Variants in ANGPTL5 observed in about 807,000 individuals in gnomAD.
ANGPTL5 encodes the protein angiopoietin-related protein 5.
A neutral mutation model predicts 39.4 loss-of-function variants in ANGPTL5; 34 were observed. That is an observed-to-expected ratio of 0.86 (90% CI 0.66 to 1.15). The LOEUF (loss-of-function observed/expected upper bound fraction) is 1.15. Among genes scored for constraint, ANGPTL5 ranks in the 50% most tolerant of loss-of-function variants. The probability of loss-of-function intolerance (pLI) is 0.00; values close to 1 mark genes in which losing one functional copy is unlikely to be tolerated. For missense variants in ANGPTL5, 467 were observed against 457.5 expected, an observed-to-expected ratio of 1.02 and a Z score of -0.19; for synonymous variants, 146 against 152.1, an observed-to-expected ratio of 0.96 and a Z score of 0.29.
chr11:101,909,148 C>T (rs1940050136), intron 1 of ANGPTL5, among the ~76,000 whole-genome samples: 1 of 152,186 alleles, frequency 6.6e-6, no homozygotes, highest in South Asian at 2.1e-4. Context: ...AAGAGGCACT[C>T]AAATATTTTC....
intron 7 of ANGPTL5, among the ~76,000 whole-genome samples, chr11:101,896,192 T>G (rs1939790262): frequency 6.6e-6 from 1 of 150,930 alleles, no homozygotes; most frequent in African/African-American, 2.4e-5. Context: ...ATTTATTTAT[T>G]TATTTATTTA....
At chr11:101,915,168 G>A (rs1591263126) in intron 1 of ANGPTL5, 1 of 1,479,872 alleles carries the variant, frequency 6.8e-7, no homozygotes, top group Non-Finnish European at 9.1e-7. Context: ...TTCCGCGCCC[G>A]TGACGCGGGG....
At chr11:101,907,737 T>C in intron 2 of ANGPTL5, 77 bp downstream of exon 2, 1 of 943,722 alleles carries the variant, frequency 1.1e-6, no homozygotes. Context: ...TTATGATTAA[T>C]CTTTTCAAAA....
At chr11:101,908,530 A>T (rs1451444586) in intron 1 of ANGPTL5, among the ~76,000 whole-genome samples, 2 of 152,084 alleles carry the variant, frequency 1.3e-5, no homozygotes, top group Non-Finnish European at 2.9e-5. Context: ...TGTAATCCCA[A>T]CACTTTGGGA....
At chr11:101,915,710 T>A (rs947859877) in intron 1 of ANGPTL5, among the ~76,000 whole-genome samples, 2 of 152,246 alleles carry the variant, frequency 1.3e-5, no homozygotes, top group Non-Finnish European at 2.9e-5. Context: ...GATATTTTTA[T>A]GCCATTATGT....
At chr11:101,910,742 T>C (rs1381800502) in intron 1 of ANGPTL5, among the ~76,000 whole-genome samples, 4 of 152,150 alleles carry the variant, frequency 2.6e-5, no homozygotes, top group African/African-American at 7.2e-5. Context: ...ACACATCTTA[T>C]TGGCTCAAGG....
At chr11:101,898,785 C>T (rs1939842977) in intron 7 of ANGPTL5, among the ~76,000 whole-genome samples, 2 of 152,128 alleles carry the variant, frequency 1.3e-5, no homozygotes, top group Admixed American at 1.3e-4. Context: ...GTGGGTTTGT[C>T]ATAAATAGCT....
intron 1 of ANGPTL5, among the ~76,000 whole-genome samples, chr11:101,909,823 T>C (rs938910888): frequency 3.9e-5 from 6 of 152,266 alleles, no homozygotes; most frequent in African/African-American, 7.2e-5. Flanking sequence ...GTCTCTGTAC[T>C]TTGAGTTCCT....
At chr11:101,900,833 T>C (rs903265540) in intron 6 of ANGPTL5, among the ~76,000 whole-genome samples, 7 of 151,994 alleles carry the variant, frequency 4.6e-5, no homozygotes, top group African/African-American at 1.4e-4. Context: ...TTTTTAAAAA[T>C]ATGTATTTGC....
chr11:101,892,194 G>A (rs775567166), intron 8 of ANGPTL5, among the ~76,000 whole-genome samples: 1 of 151,984 alleles, frequency 6.6e-6, no homozygotes. Flanking sequence ...AGACAATACC[G>A]TTTTTAAAGG....
rs1425496818 is a variant in ANGPTL5 at position 101,915,227 on chromosome 11, C to G, written c.-93+792G>C. The G allele has an allele frequency of 3.1e-6, 5 of 1,603,050 alleles. No individual in the cohort carries two copies. The South Asian group carries it at 5.6e-5, about 18-fold the overall frequency. On this transcript the variant is annotated intron_variant, in intron 1 of 8. Transcript: ENST00000334289. ...GGGCCGAGCAGGAGGAGGAGGAAGC[C>G]GGAGCTGCCATGAGGGAGGTTCTGG...
rs142977782 is a variant in ANGPTL5 at position 101,891,387 on chromosome 11, C to T, written c.1059G>A (p.Leu353=). ...LNGIHHFSGK[L]LATGIQWGTW... ...TGCCCCATTGAATTCCAGTTGCAAG[C>T]AATTTTCCAGAGAAGTGATGAATGC... The change falls in exon 9 of 9, where the codon TTG becomes TTA. Residue 353 remains leucine, a synonymous_variant. Coordinates refer to ENST00000334289, the MANE Select transcript of ANGPTL5 (RefSeq NM_178127.5). 563 of 1,613,880 alleles carry T rather than the reference C, an allele frequency of 3.5e-4. No homozygotes were observed. Among genetic ancestry groups the T allele is most frequent in the Non-Finnish European group, 4.6e-4 (543 of 1,179,978 alleles).
rs770600096 is a variant in ANGPTL5, at chr11:101,907,937, C to G, written c.-28G>C. ...TTTTCTTGGATAGATGAAAACACTT[C>G]TTCAAATATCAGTCAGCTCTTTGTG... On this transcript the variant is annotated 5_prime_UTR_variant, in exon 2 of 9. Coordinates refer to ENST00000334289, the MANE Select transcript of ANGPTL5 (RefSeq NM_178127.5). 3 of 1,438,206 alleles carry G rather than the reference C, an allele frequency of 2.1e-6. No homozygotes were observed. Among genetic ancestry groups the G allele is most frequent in the Non-Finnish European group, 2.9e-6 (3 of 1,022,032 alleles). The allele number at this position is 1,438,206 out of a possible 1,614,324, so 89.1% of individuals were successfully genotyped here. A position where few individuals can be genotyped will look rare whatever the true frequency, so the allele number is the denominator to read the frequency against.
chr11:101,893,045 T>A (rs1939729305), intron 8 of ANGPTL5, among the ~76,000 whole-genome samples: 1 of 152,184 alleles, frequency 6.6e-6, no homozygotes, highest in Admixed American at 6.5e-5. Context: ...GCCTAAACAA[T>A]GTGATCACTC....
rs748554518 is a variant in ANGPTL5, at chr11:101,891,369, T to C, written c.1077A>G (p.Gln359=). 2.5e-5 allele frequency: 41 copies of C among 1,613,956 alleles called. No homozygotes were observed. The highest frequency in any genetic ancestry group is 3.0e-5 in the Non-Finnish European group (35 of 1,179,978). The change falls in exon 9 of 9, where the codon CAA becomes CAG. Residue 359 remains glutamine (Q), a synonymous_variant. Transcript: ENST00000334289. ...AGTTGTTTTTGGTCCACGTGCCCCA[T>C]TGAATTCCAGTTGCAAGCAATTTTC... is the stretch of plus-strand genomic sequence containing the variant. ...FSGKLLATGI[Q]WGTWTKNNSP...
At chr11:101,915,054 G>A (rs1395261122) in intron 1 of ANGPTL5, 1 of 504,584 alleles carries the variant, frequency 2.0e-6, no homozygotes, top group Non-Finnish European at 3.4e-6. Context: ...GGTTGCTGCC[G>A]CCCCATCTGC....
At chr11:101,910,831 T>A (rs568216667) in intron 1 of ANGPTL5, among the ~76,000 whole-genome samples, 2 of 152,134 alleles carry the variant, frequency 1.3e-5, no homozygotes, top group Non-Finnish European at 2.9e-5. Flanking sequence ...ACCTTAAAAC[T>A]GTCCTTATTG....
At chr11:101,893,598 CT>C (rs1939742612) in intron 8 of ANGPTL5, among the ~76,000 whole-genome samples, 1 of 152,166 alleles carries the variant, frequency 6.6e-6, no homozygotes, top group African/African-American at 2.4e-5. Context: ...CAATATTATC[CT>C]TTAATTAGAT....
chr11:101,891,087 A>T lies in ANGPTL5; in HGVS notation c.*192T>A. On this transcript the variant is annotated 3_prime_UTR_variant, in exon 9 of 9. Coordinates refer to ENST00000334289, the MANE Select transcript of ANGPTL5 (RefSeq NM_178127.5). Reference sequence around the variant, plus strand: ...ATTGTTAATATAGTCAGAAGTAAAAACATACAATAAGCCATGTTTTCTTTT... The same window carrying T: ...ATTGTTAATATAGTCAGAAGTAAAATCATACAATAAGCCATGTTTTCTTTT... The T allele has an allele frequency of 4.0e-6, 2 of 502,596 alleles. No individual in the cohort carries two copies. The highest frequency in any genetic ancestry group is 6.9e-6 in the Non-Finnish European group (2 of 289,118). 31.1% of individuals were successfully genotyped at this position (502,596 alleles called of 1,614,324 possible).
Sources: allele counts gnomAD v4.1 joint callset (sites outside exome capture counted in the v4.1 genomes callset), GRCh38; gene constraint gnomAD v4.1.1; transcripts MANE v1.5; gene names NCBI Gene and HGNC (gene_info 2026-07-23, HGNC 2026-07-21).